The following FBLN7 variants were observed in gnomAD, a reference collection of about 807,000 sequenced individuals.
FBLN7 encodes the protein fibulin 7, also known as fibulin-7.
FBLN7 carries 31 observed loss-of-function variants against 44.0 expected under a neutral mutation model. That is an observed-to-expected ratio of 0.70 (90% CI 0.53 to 0.95). FBLN7 has a LOEUF of 0.95. Among genes scored for constraint, FBLN7 ranks in the 40% least tolerant of loss-of-function variants. The pLI is 0.00. For synonymous variants in FBLN7, 262 were observed against 253.4 expected, an observed-to-expected ratio of 1.03 and a Z score of -0.32; for missense variants, 573 against 618.5, an observed-to-expected ratio of 0.93 and a Z score of 0.78.
At chr2:112,156,505 C>A (rs1386308836) in intron 1 of FBLN7, among the ~76,000 whole-genome samples, 6 of 152,122 alleles carry the variant, frequency 3.9e-5, no homozygotes. Context: ...ACCATGAAGT[C>A]ATCTATAAAA....
the FBLN7 span, chr2:112,234,192 GA>G: frequency 2.5e-6 from 4 of 1,610,174 alleles, no homozygotes; most frequent in Non-Finnish European, 3.4e-6. Context: ...GTTGGTTGAT[GA>G]ATGCCTGACT....
At chr2:112,167,230 T>C (rs1682207281) in intron 3 of FBLN7, among the ~76,000 whole-genome samples, 1 of 152,224 alleles carries the variant, frequency 6.6e-6, no homozygotes, top group Non-Finnish European at 1.5e-5. Flanking sequence ...GATGAGTTCA[T>C]CAGAGATGAT....
the FBLN7 span, chr2:112,214,067 C>G: frequency 1.3e-5 from 2 of 151,460 alleles, no homozygotes; most frequent in African/African-American, 4.9e-5. Flanking sequence ...TTGCCTCAGC[C>G]TCCCGAGTAG....
In FBLN7 at chr2:112,182,831, C is replaced by G. The variant is rs753408985; in HGVS notation, c.711C>G (p.Pro237=). The part of the protein sequence containing the change: ...ECELYGQEGR[P]RLCMHACVNT... ...AGCTCTACGGGCAGGAGGGGCGCCC[C>G]CGGCTCTGCATGCACGCCTGCGTGA... The change falls in exon 6 of 8, where the codon CCC becomes CCG. Residue 237 remains proline, a synonymous_variant. Transcript: ENST00000331203. 28 of 1,611,214 alleles carry G rather than the reference C, an allele frequency of 1.7e-5. 1 individual carries two copies. Among genetic ancestry groups the G allele is most frequent in the Middle Eastern group, 1.6e-4 (1 of 6,074 alleles).
Position 112,187,587 on chromosome 2 carries a change from G to A in FBLN7, c.*81G>A, listed in dbSNP as rs1049833283. 3.2e-6 allele frequency: 5 copies of A among 1,550,750 alleles called. No individual in the cohort carries two copies. The highest frequency in any genetic ancestry group is 2.7e-5 in the African/African-American group (2 of 73,930). ...GCTCAGCTTCGGGCACCGACTGCGT[G>A]GAGCCTCCCGCCTGTTCCCGCCCTC... is the stretch of plus-strand genomic sequence containing the variant. On this transcript the variant is annotated 3_prime_UTR_variant, in exon 8 of 8. Coordinates refer to ENST00000331203, the MANE Select transcript of FBLN7 (RefSeq NM_153214.3). The surrounding 1 kb of genome is among the most constrained non-coding windows in gnomAD (Gnocchi z 5.1).
chr2:112,236,710 T>C, the FBLN7 span: 3 of 1,586,296 alleles, frequency 1.9e-6, no homozygotes, highest in South Asian at 3.4e-5. Flanking sequence ...AAACAAAAAA[T>C]TAATTTAAAA....
rs1009320021 is a variant in FBLN7, at chr2:112,183,667, C to T, written c.808+739C>T. Among the ~76,000 whole-genome samples the T allele has an allele frequency of 3.3e-5, 5 of 152,150 alleles. No individual in the cohort carries two copies. The South Asian group carries it at 8.3e-4, about 25-fold the overall frequency. On this transcript the variant is annotated intron_variant, in intron 6 of 7. Coordinates refer to ENST00000331203, the MANE Select transcript of FBLN7 (RefSeq NM_153214.3). ...CAGAGAGTGGGTTGGGGGGCAGCGG[C>T]GCAGATGGAAAATAACTGGCTCAGG...
chr2:112,165,153 G>C lies in FBLN7; in HGVS notation c.388G>C (p.Glu130Gln), dbSNP rs539660007. The C allele has an allele frequency of 3.1e-6, 5 of 1,614,088 alleles. No individual in the cohort carries two copies. The South Asian group carries it at 4.4e-5, about 14-fold the overall frequency. The part of the protein sequence containing the change: ...VCLPNGTWTG[E>Q]QPHCRGISEC... The stretch of plus-strand genomic sequence containing the variant: ...TCTTCCCAATGGCACCTGGACAGGG[G>C]AGCAGCCCCACTGTAGAGGTATCGT... The change falls in exon 3 of 8, where the codon GAG (glutamate) becomes CAG (glutamine). Residue 130 changes from glutamate (E) to glutamine (Q), a missense_variant. Physicochemically the swap from Glu to Gln is conservative, Grantham distance 29. Transcript: ENST00000331203.
chr2:112,160,686 GCACACGCA>G lies in FBLN7; in HGVS notation c.235+861_235+868del, dbSNP rs1323502764. ...CACGCACACGCACACGCAGACGCAC[GCACACGCA>G]CACACGCACGCACACACACAAGCAC... On this transcript the variant is annotated intron_variant, in intron 2 of 7. Transcript: ENST00000331203. Among the ~76,000 whole-genome samples, 17 of 130,920 alleles carry G rather than the reference GCACACGCA, an allele frequency of 1.3e-4. No homozygotes were observed. The East Asian group carries it at 3.3e-3, about 25-fold the overall frequency. 85.9% of individuals were successfully genotyped at this position (130,920 alleles called of 152,430 possible).
chr2:112,196,690 C>T, the FBLN7 span, among the ~76,000 whole-genome samples: 1 of 152,116 alleles, frequency 6.6e-6, no homozygotes, highest in Non-Finnish European at 1.5e-5. Flanking sequence ...AGCCTCTTGC[C>T]TGAGGAGCAT....
At chr2:112,190,422 G>A (rs1683448968), downstream of FBLN7, 1 of 152,156 alleles carries the variant, frequency 6.6e-6, no homozygotes. Flanking sequence ...GATTTGGTTT[G>A]TATAAGAAAA....
intron 2 of FBLN7, among the ~76,000 whole-genome samples, chr2:112,160,713 C>G (rs1681743846): frequency 7.8e-6 from 1 of 127,486 alleles, no homozygotes; most frequent in Non-Finnish European, 1.7e-5. Flanking sequence ...CGCACACACA[C>G]AAGCACGCGC....
chr2:112,204,378 GAAAA>G, the FBLN7 span, among the ~76,000 whole-genome samples: 1 of 151,552 alleles, frequency 6.6e-6, no homozygotes, highest in South Asian at 2.1e-4. Context: ...AAGATAGTAA[GAAAA>G]GAAAGAAAGG....
At chr2:112,160,129 T>C (rs372904909) in intron 2 of FBLN7, among the ~76,000 whole-genome samples, 34 of 152,278 alleles carry the variant, frequency 2.2e-4, no homozygotes, top group African/African-American at 7.5e-4. Flanking sequence ...TAGCTGGGAC[T>C]ACAGGCGCCC....
intron 2 of FBLN7, among the ~76,000 whole-genome samples, chr2:112,160,284 CGGGCCAA>C (rs1681689990): frequency 6.6e-6 from 1 of 152,190 alleles, no homozygotes; most frequent in African/African-American, 2.4e-5. Context: ...GCCACCGCGC[CGGGCCAA>C]TCTGTGGCCC....
At chr2:112,239,491 A>C in the FBLN7 span, among the ~76,000 whole-genome samples, 1 of 152,140 alleles carries the variant, frequency 6.6e-6, no homozygotes, top group African/African-American at 2.4e-5. Flanking sequence ...CATGATAACT[A>C]AGAAGCAAAC....
chr2:112,147,937 G>A (rs1680968154), intron 1 of FBLN7, among the ~76,000 whole-genome samples: 1 of 152,128 alleles, frequency 6.6e-6, no homozygotes, highest in Non-Finnish European at 1.5e-5. Flanking sequence ...TCCTACAGTT[G>A]GGAGCAAGGC....
At chr2:112,189,169 AGGTGG>A (rs1350039610), downstream of FBLN7, 1 of 152,354 alleles carries the variant, frequency 6.6e-6, no homozygotes, top group Non-Finnish European at 1.5e-5. Flanking sequence ...ACATGCCAGA[AGGTGG>A]GGAGTGTTTG....
the FBLN7 span, among the ~76,000 whole-genome samples, chr2:112,204,369 A>G: frequency 7.3e-4 from 111 of 152,126 alleles, no homozygotes; most frequent in African/African-American, 2.6e-3. Flanking sequence ...CAGAAGGAGA[A>G]GATAGTAAGA....
Sources: gnomAD v4.1 joint callset for allele counts (sites outside exome capture counted in the v4.1 genomes callset) on GRCh38, gnomAD v4.1.1 for gene constraint, Gnocchi (gnomAD v3.1) non-coding constraint, MANE v1.5 for transcripts, NCBI Gene and HGNC (gene_info 2026-07-23, HGNC 2026-07-21) for gene names.